The following MARCHF1 variants were observed in gnomAD, a reference collection of about 807,000 sequenced individuals.
The protein encoded by MARCHF1 is membrane associated ring-CH-type finger 1.
Under a neutral mutation model 54.2 loss-of-function variants are expected in MARCHF1, and 40 were observed. The ratio of observed to expected loss-of-function variants is 0.74; its 90% CI spans 0.57 to 0.96. The LOEUF is 0.96. MARCHF1 is among the 40% of genes least tolerant of loss of function. The pLI, the probability that MARCHF1 is intolerant of heterozygous loss-of-function variation, is 0.00. For missense variants in MARCHF1, 586 were observed against 656.5 expected (o/e 0.89, Z 1.17); for synonymous variants, 236 against 236.3 (o/e 1.00, Z 0.01).
intron 1 of MARCHF1, among the ~76,000 whole-genome samples, chr4:164,300,557 T>C (rs1734530004): frequency 6.6e-6 from 1 of 152,136 alleles, no homozygotes; most frequent in Non-Finnish European, 1.5e-5. Context: ...AGTTGTTTGT[T>C]TGTTTGTTTC....
intron 1 of MARCHF1, among the ~76,000 whole-genome samples, chr4:164,141,583 T>A: frequency 6.6e-6 from 1 of 152,228 alleles, no homozygotes. Context: ...AAGAAGACAT[T>A]CACCCCTACA....
rs11315071 is a variant in MARCHF1, at chr4:163,748,406, CAAAAAAAAA to C, written c.112-47552_112-47544del. 3.9e-5 allele frequency among the ~76,000 whole-genome samples: 5 copies of C among 128,192 alleles called. No individual in the cohort carries two copies. The South Asian group carries it at 1.2e-3, about 32-fold the overall frequency. 84.1% of individuals were successfully genotyped at this position (128,192 alleles called of 152,430 possible). A position where few individuals can be genotyped will look rare whatever the true frequency, so the allele number is the denominator to read the frequency against. On this transcript the variant is annotated intron_variant, in intron 4 of 9. Coordinates refer to ENST00000514618, the MANE Select transcript of MARCHF1 (RefSeq NM_001394959.1). The stretch of plus-strand genomic sequence containing the variant: ...TTAGAATCAGCTTGTTAATTTCTAC[CAAAAAAAAA>C]AAAAAAAAGATCCCACAAGCTCGCT...
At chr4:164,226,127 A>C (rs10006796) in intron 1 of MARCHF1, among the ~76,000 whole-genome samples, 106 of 152,158 alleles carry the variant, frequency 7.0e-4, no homozygotes, top group African/African-American at 2.5e-3. Flanking sequence ...GGATGTTCTC[A>C]ATCACCAAAA....
At chr4:163,561,036 A>G (rs1045666019) in intron 8 of MARCHF1, among the ~76,000 whole-genome samples, 1 of 152,140 alleles carries the variant, frequency 6.6e-6, no homozygotes, top group Admixed American at 6.5e-5. Context: ...TGCACTGGCT[A>G]GAACCTTCAA....
intron 4 of MARCHF1, among the ~76,000 whole-genome samples, chr4:163,721,489 T>C (rs1745456510): frequency 6.6e-6 from 1 of 152,146 alleles, no homozygotes; most frequent in Non-Finnish European, 1.5e-5. Context: ...TCTAAAATTC[T>C]CTTTTTTTGT....
chr4:164,097,188 T>C (rs1755434249), intron 2 of MARCHF1, among the ~76,000 whole-genome samples: 1 of 152,156 alleles, frequency 6.6e-6, no homozygotes, highest in Non-Finnish European at 1.5e-5. Flanking sequence ...CTGCCTAAAA[T>C]AAGTGTATTT....
intron 2 of MARCHF1, among the ~76,000 whole-genome samples, chr4:164,093,460 G>A (rs1755346392): frequency 6.6e-6 from 1 of 152,272 alleles, no homozygotes; most frequent in Admixed American, 6.5e-5. Flanking sequence ...GAAATGAAAA[G>A]TAATAACTAG....
chr4:164,338,182 A>G (rs1729807723), intron 1 of MARCHF1, among the ~76,000 whole-genome samples: 2 of 152,166 alleles, frequency 1.3e-5, no homozygotes, highest in East Asian at 3.8e-4. Context: ...ATCACCTAAA[A>G]CTGTAAGACT....
intron 1 of MARCHF1, among the ~76,000 whole-genome samples, chr4:164,382,570 T>C (rs1027993957): frequency 5.3e-5 from 8 of 152,208 alleles, no homozygotes; most frequent in African/African-American, 1.7e-4. Flanking sequence ...AAAAAGTCAC[T>C]GAACCCCCAA....
At chr4:163,778,173 T>G (rs917952447) in intron 4 of MARCHF1, among the ~76,000 whole-genome samples, 1 of 43,368 alleles carries the variant, frequency 2.3e-5, no homozygotes, top group Non-Finnish European at 5.0e-5. Flanking sequence ...TAGCAGTTGG[T>G]GGACATTTTG....
intron 3 of MARCHF1, among the ~76,000 whole-genome samples, chr4:163,975,182 T>TCACA (rs1337027396): frequency 6.5e-5 from 9 of 139,390 alleles, no homozygotes; most frequent in African/African-American, 2.5e-4. Context: ...TCTCTCTCTC[T>TCACA]CTCTCTCTCT....
chr4:163,770,148 T>C (rs1050286077), intron 4 of MARCHF1, among the ~76,000 whole-genome samples: 1 of 152,176 alleles, frequency 6.6e-6, no homozygotes, highest in Non-Finnish European at 1.5e-5. Flanking sequence ...TTGACTATGT[T>C]GTCAGTAAGG....
chr4:164,066,293 G>A (rs1444048615), intron 2 of MARCHF1, among the ~76,000 whole-genome samples: 1 of 152,180 alleles, frequency 6.6e-6, no homozygotes, highest in Non-Finnish European at 1.5e-5. Context: ...GATCATTAGA[G>A]AAATGCAAAT....
chr4:163,832,500 A>G (rs940743650), intron 4 of MARCHF1, among the ~76,000 whole-genome samples: 3 of 152,114 alleles, frequency 2.0e-5, no homozygotes, highest in Non-Finnish European at 2.9e-5. Flanking sequence ...TCATTTAGCA[A>G]AACTAGAAAG....
intron 2 of MARCHF1, among the ~76,000 whole-genome samples, chr4:164,050,041 G>A (rs980073045): frequency 5.9e-5 from 9 of 151,986 alleles, no homozygotes; most frequent in East Asian, 3.9e-4. Context: ...TTGGGAGGCC[G>A]AGGTGGGTGA....
chr4:163,769,619 T>C (rs1045133451), intron 4 of MARCHF1, among the ~76,000 whole-genome samples: 26 of 152,148 alleles, frequency 1.7e-4, no homozygotes, highest in African/African-American at 5.8e-4. Flanking sequence ...ACCTGACGAC[T>C]ATGAAAGTGA....
At chr4:163,728,273 T>C (rs569411798) in intron 4 of MARCHF1, among the ~76,000 whole-genome samples, 1 of 152,310 alleles carries the variant, frequency 6.6e-6, no homozygotes, top group East Asian at 1.9e-4. Flanking sequence ...TAATGTCAGG[T>C]AGTGGCAGTG....
chr4:163,996,708 G>A (rs1011088609), intron 2 of MARCHF1, among the ~76,000 whole-genome samples: 2 of 151,928 alleles, frequency 1.3e-5, no homozygotes, highest in African/African-American at 4.8e-5. Flanking sequence ...TATATCTATG[G>A]TATTTCACCC....
intron 4 of MARCHF1, among the ~76,000 whole-genome samples, chr4:163,785,925 T>C (rs1281995645): frequency 6.6e-6 from 1 of 151,862 alleles, no homozygotes; most frequent in Admixed American, 6.6e-5. Context: ...AAAAGAGGAA[T>C]GTAGGAGGGA....
Sources: gnomAD v4.1 joint callset for allele counts (sites outside exome capture counted in the v4.1 genomes callset) on GRCh38, gnomAD v4.1.1 for gene constraint, MANE v1.5 for transcripts, NCBI Gene and HGNC (gene_info 2026-07-23, HGNC 2026-07-21) for gene names.